The following CNTNAP2 variants were observed in gnomAD, a reference collection of about 807,000 sequenced individuals.
CNTNAP2 encodes contactin-associated protein-like 2.
In CNTNAP2, 98 loss-of-function variants were observed where a neutral mutation model predicts 155.2. The observed-to-expected ratio is 0.63, with a 90% CI of 0.54 to 0.75. The LOEUF is 0.75. Ranked by LOEUF, CNTNAP2 falls within the 30% of genes least tolerant of loss-of-function variation. The probability of loss-of-function intolerance (pLI) is 0.00; values close to 1 mark genes in which losing one functional copy is unlikely to be tolerated. For missense variants in CNTNAP2, 1,727 were observed against 1,688.1 expected (o/e 1.02, Z -0.40); for synonymous variants, 651 against 631.2 (o/e 1.03, Z -0.47).
At chr7:146,557,729 T>C (rs1462794356) in intron 1 of CNTNAP2, among the ~76,000 whole-genome samples, 4 of 152,220 alleles carry the variant, frequency 2.6e-5, no homozygotes, top group Admixed American at 2.0e-4. Flanking sequence ...TCTAACTCAC[T>C]AATTAGGCAA....
intron 1 of CNTNAP2, among the ~76,000 whole-genome samples, chr7:146,600,660 T>C (rs896935735): frequency 3.3e-5 from 5 of 152,194 alleles, no homozygotes; most frequent in African/African-American, 1.2e-4. Context: ...TGTACCTTTT[T>C]AGTACTTGTA....
intron 9 of CNTNAP2, among the ~76,000 whole-genome samples, chr7:147,386,562 C>CA (rs745917306): frequency 1.7e-4 from 26 of 152,182 alleles, no homozygotes; most frequent in Non-Finnish European, 3.7e-4. Context: ...TAAAACATAA[C>CA]AAGAGTCACC....
intron 15 of CNTNAP2, among the ~76,000 whole-genome samples, chr7:148,112,427 T>TTATTATTAC (rs1204664974): frequency 6.6e-6 from 1 of 151,076 alleles, no homozygotes; most frequent in East Asian, 1.9e-4. Flanking sequence ...ATTATTATTA[T>TTATTATTAC]TATTATTATT....
At chr7:148,326,600 C>T (rs557947129) in intron 21 of CNTNAP2, among the ~76,000 whole-genome samples, 1 of 151,850 alleles carries the variant, frequency 6.6e-6, no homozygotes, top group Admixed American at 6.6e-5. Flanking sequence ...GGCATGGTGG[C>T]TCACGCCTGT....
At chr7:147,913,990 A>G (rs565662015) in intron 14 of CNTNAP2, among the ~76,000 whole-genome samples, 101 of 152,166 alleles carry the variant, frequency 6.6e-4, no homozygotes, top group African/African-American at 2.3e-3. Flanking sequence ...CCTTCACCAT[A>G]TGGCATGTAC....
At chr7:147,855,097 A>C (rs1444352191) in intron 13 of CNTNAP2, among the ~76,000 whole-genome samples, 1 of 152,220 alleles carries the variant, frequency 6.6e-6, no homozygotes, top group Admixed American at 6.5e-5. Context: ...GAAAATGTTT[A>C]ATTACATATG....
At chr7:148,175,280 A>G (rs1359013225) in intron 18 of CNTNAP2, among the ~76,000 whole-genome samples, 3 of 152,098 alleles carry the variant, frequency 2.0e-5, no homozygotes, top group Admixed American at 2.0e-4. Flanking sequence ...ACAATGATGT[A>G]TTTCCTCTAA....
At chr7:147,950,358 G>T (rs1451914235) in intron 14 of CNTNAP2, among the ~76,000 whole-genome samples, 1 of 73,974 alleles carries the variant, frequency 1.4e-5, no homozygotes, top group Admixed American at 2.4e-4. Context: ...TATACACATA[G>T]AGAGGCAAAA....
chr7:148,172,778 AG>A (rs1219043188), intron 18 of CNTNAP2, among the ~76,000 whole-genome samples: 1 of 152,214 alleles, frequency 6.6e-6, no homozygotes, highest in African/African-American at 2.4e-5. Flanking sequence ...GTGATAAAAT[AG>A]GTGGCCTTCA....
intron 1 of CNTNAP2, among the ~76,000 whole-genome samples, chr7:146,735,259 A>C (rs910033985): frequency 1.3e-5 from 2 of 152,194 alleles, no homozygotes; most frequent in African/African-American, 4.8e-5. Context: ...AGCTTTTAAA[A>C]ACTTAGTTTG....
chr7:147,513,590 C>T (rs1232818609), intron 11 of CNTNAP2, among the ~76,000 whole-genome samples: 1 of 152,216 alleles, frequency 6.6e-6, no homozygotes, highest in Non-Finnish European at 1.5e-5. Flanking sequence ...TAATTACACT[C>T]ATAGAAATCA....
Position 146,876,351 on chromosome 7 carries a change from C to T in CNTNAP2, c.402+36447C>T, listed in dbSNP as rs1306655958. ...TGTGAATCAGGTCGGATTTCATATACCATTTTGTGTTATTTATTTTGGAAT... is the reference window on the plus strand; with the variant it reads ...TGTGAATCAGGTCGGATTTCATATATCATTTTGTGTTATTTATTTTGGAAT... On this transcript the variant is annotated intron_variant, in intron 3 of 23. Transcript: ENST00000361727. 3.3e-5 allele frequency among the ~76,000 whole-genome samples: 5 copies of T among 152,100 alleles called. No individual in the cohort carries two copies. The East Asian group carries it at 9.7e-4, about 29-fold the overall frequency.
intron 1 of CNTNAP2, among the ~76,000 whole-genome samples, chr7:146,767,001 G>A (rs78609790): frequency 1.3e-5 from 2 of 152,140 alleles, no homozygotes; most frequent in South Asian, 2.1e-4. Context: ...AGCAATTTTC[G>A]CTGTGTGTCA....
At chr7:146,571,147 G>A (rs939454803) in intron 1 of CNTNAP2, among the ~76,000 whole-genome samples, 53 of 151,968 alleles carry the variant, frequency 3.5e-4, no homozygotes, top group Non-Finnish European at 1.2e-4. Context: ...GGCTCTATTA[G>A]ACTTTTTAGT....
intron 3 of CNTNAP2, among the ~76,000 whole-genome samples, chr7:146,901,358 T>C (rs993514723): frequency 9.9e-5 from 15 of 152,194 alleles, no homozygotes; most frequent in African/African-American, 3.1e-4. Context: ...GTATGCATAA[T>C]TGGTATCAAA....
At chr7:147,040,520 G>A (rs1239789157) in intron 3 of CNTNAP2, among the ~76,000 whole-genome samples, 1 of 145,782 alleles carries the variant, frequency 6.9e-6, no homozygotes, top group African/African-American at 2.6e-5. Context: ...GAGTACAGTG[G>A]CGTGATTTCA....
At chr7:147,268,918 C>T (rs1178409184) in intron 8 of CNTNAP2, among the ~76,000 whole-genome samples, 2 of 152,044 alleles carry the variant, frequency 1.3e-5, no homozygotes, top group Admixed American at 1.3e-4. Context: ...CCTCTTGATA[C>T]AAAACTACAA....
In CNTNAP2 at chr7:146,649,320, A is replaced by G. The variant is rs187861563; in HGVS notation, c.98-124951A>G. Among the ~76,000 whole-genome samples the G allele has an allele frequency of 5.9e-5, 9 of 152,230 alleles. No individual in the cohort carries two copies. The East Asian group carries it at 1.5e-3, about 26-fold the overall frequency. On this transcript the variant is annotated intron_variant, in intron 1 of 23. Transcript: ENST00000361727. ...CAACAGCAATCTCTATTAAAATGGT[A>G]ATGAACAGCTTCTGCAGTATATCTT...
chr7:146,930,676 G>A (rs1428915339), intron 3 of CNTNAP2, among the ~76,000 whole-genome samples: 1 of 152,174 alleles, frequency 6.6e-6, no homozygotes, highest in Admixed American at 6.5e-5. Context: ...TCAGTGTGCT[G>A]TATTCAGGAA....
Sources: gnomAD v4.1 joint callset for allele counts (sites outside exome capture counted in the v4.1 genomes callset) on GRCh38, gnomAD v4.1.1 for gene constraint, MANE v1.5 for transcripts, NCBI Gene and HGNC (gene_info 2026-07-23, HGNC 2026-07-21) for gene names.